Variants in NBPF8 observed in about 807,000 individuals in gnomAD.
The protein encoded by NBPF8 is NBPF family member NBPF8.
At chr1:120,415,386 G>A (rs1191837756), upstream of NBPF8, among the ~76,000 whole-genome samples, 2 of 151,970 alleles carry the variant, frequency 1.3e-5, no homozygotes, top group Non-Finnish European at 2.9e-5. Flanking sequence ...AGGGCGAGGC[G>A]GGGTGGGGGG....
At chr1:120,462,888 CCTGA>C (rs1661631826) in exon 21 of NBPF8, 1 of 432,510 alleles carries the variant, frequency 2.3e-6, no homozygotes, top group Non-Finnish European at 3.9e-6. Context: ...TCTTGAACTG[CCTGA>C]CTTAGGCCAG....
At chr1:120,420,669 C>T (rs1472159492) in intron 1 of NBPF8, among the ~76,000 whole-genome samples, 22 of 145,458 alleles carry the variant, frequency 1.5e-4, no homozygotes, top group African/African-American at 2.4e-4. Flanking sequence ...TTTTGAAGGC[C>T]GTTCCCATCT....
upstream of NBPF8, among the ~76,000 whole-genome samples, chr1:120,435,699 A>G (rs1187526047): frequency 2.6e-4 from 39 of 151,942 alleles, no homozygotes; most frequent in African/African-American, 9.4e-4. Flanking sequence ...AAAAAGAAAA[A>G]AAAAAAGAAA....
exon 11 of NBPF8, chr1:120,449,303 C>T (rs1556606351): frequency 1.9e-6 from 3 of 1,610,432 alleles, no homozygotes; most frequent in South Asian, 2.2e-5. Flanking sequence ...GAAATTGCAC[C>T]CCCAGCTGGC....
At chr1:120,446,403 A>G (rs1333890769) in intron 8 of NBPF8, among the ~76,000 whole-genome samples, 3 of 54,588 alleles carry the variant, frequency 5.5e-5, no homozygotes, top group African/African-American at 2.3e-4. Context: ...TGTTCTTAGT[A>G]AGTGTCGGTG....
In NBPF8 at chr1:120,462,350, T is replaced by C. The variant is rs1256944407; in HGVS notation, n.3061+153T>C. Among the ~76,000 whole-genome samples, 3 of 149,832 alleles carry C rather than the reference T, an allele frequency of 2.0e-5. No homozygotes were observed. In the South Asian group the frequency reaches 6.3e-4, roughly 32 times the overall value. On this transcript the variant is annotated intron_variant and non_coding_transcript_variant, in intron 20 of 24. Coordinates refer to ENST00000583271, the Ensembl canonical transcript of NBPF8. ...GTTGGTTTTCATTGCAGAAGATGTT[T>C]AGGTTTCCATTTCTTCCTCCCCTTA... is the stretch of plus-strand genomic sequence containing the variant.
Position 120,453,563 on chromosome 1 carries a change from G to T in NBPF8, n.2362+119G>T. 2 of 948,322 alleles carry T rather than the reference G, an allele frequency of 2.1e-6. 1 individual carries two copies. The highest frequency in any genetic ancestry group is 2.5e-5 in the South Asian group (2 of 78,590). The allele number at this position is 948,322 out of a possible 1,614,324, so 58.7% of individuals were successfully genotyped here. On this transcript the variant is annotated intron_variant and non_coding_transcript_variant, in intron 14 of 24. Coordinates refer to ENST00000583271, the Ensembl canonical transcript of NBPF8. ...ACCCGCATTTGCTTAGCCACAGTAT[G>T]TGAAATATAACCCAGCTTAGACACA...
intron 11 of NBPF8, 42 bp from the exon 10 acceptor site, chr1:120,451,138 G>A: frequency 2.1e-6 from 3 of 1,402,508 alleles, no homozygotes; most frequent in East Asian, 2.3e-5. Context: ...ACAGCAGCAT[G>A]TCCAGCCTTC....
At chr1:120,426,929 CTTAG>C (rs1372737557) in intron 2 of NBPF8, among the ~76,000 whole-genome samples, 2 of 141,642 alleles carry the variant, frequency 1.4e-5, no homozygotes, top group Admixed American at 7.0e-5. Flanking sequence ...GCAGGAGTTT[CTTAG>C]TTAGGATCCA....
At chr1:120,415,267 G>A (rs1299965564), upstream of NBPF8, among the ~76,000 whole-genome samples, 1 of 152,172 alleles carries the variant, frequency 6.6e-6, no homozygotes, top group African/African-American at 2.4e-5. Context: ...TCCACCCAGC[G>A]TTTCCGAGGT....
At chr1:120,450,672 C>T (rs1440889301) in intron 11 of NBPF8, among the ~76,000 whole-genome samples, 2 of 152,128 alleles carry the variant, frequency 1.3e-5, no homozygotes, top group Non-Finnish European at 2.9e-5. Flanking sequence ...CTTTATGCTT[C>T]AGATATGATT....
chr1:120,464,542 G>C lies in NBPF8; in HGVS notation n.3453G>C. ...AAAACATGTTGGCTTTTCTCTTGAC[G>C]TGGGAGGTGAGTACCTTTCTATGAA... On this transcript the variant is annotated non_coding_transcript_exon_variant, in exon 23 of 25. Transcript: ENST00000583271. The C allele has an allele frequency of 3.8e-6, 3 of 793,714 alleles. No homozygotes were observed. In the South Asian group the frequency reaches 4.0e-5, roughly 11 times the overall value. The allele number at this position is 793,714 out of a possible 1,614,324, so 49.2% of individuals were successfully genotyped here.
chr1:120,465,498 G>T, intron 24 of NBPF8, 127 bp downstream of exon 22: 1 of 492,414 alleles, frequency 2.0e-6, no homozygotes, highest in East Asian at 2.9e-5. Context: ...TGTCATTGCT[G>T]TTGGTTTTCA....
At chr1:120,450,501 A>G (rs1471442069) in intron 11 of NBPF8, among the ~76,000 whole-genome samples, 20 of 152,164 alleles carry the variant, frequency 1.3e-4, no homozygotes, top group Admixed American at 1.1e-3. Flanking sequence ...AAATTGCTGC[A>G]GTGAATTACA....
chr1:120,460,735 T>G (rs1305615195), intron 18 of NBPF8, 111 bp downstream of exon 16: 20 of 987,114 alleles, frequency 2.0e-5, no homozygotes, highest in Non-Finnish European at 2.8e-5. Context: ...CAGACAAGTC[T>G]GAATTACGCC....
intron 17 of NBPF8, among the ~76,000 whole-genome samples, chr1:120,460,119 T>A (rs1386785206): frequency 2.0e-5 from 3 of 152,198 alleles, no homozygotes; most frequent in African/African-American, 7.2e-5. Context: ...TAATAGCTGA[T>A]GCTTCTGTGT....
At chr1:120,455,144 G>GA (rs1386336863) in intron 15 of NBPF8, among the ~76,000 whole-genome samples, 1 of 151,220 alleles carries the variant, frequency 6.6e-6, no homozygotes, top group African/African-American at 2.4e-5. Context: ...TTTTTTTGGG[G>GA]AAAAAATTTT....
chr1:120,421,248 G>A (rs1311682942), intron 1 of NBPF8, among the ~76,000 whole-genome samples: 1 of 152,192 alleles, frequency 6.6e-6, no homozygotes, highest in African/African-American at 2.4e-5. Context: ...TTACAGTAGT[G>A]CGTCTGTCTC....
intron 1 of NBPF8, among the ~76,000 whole-genome samples, chr1:120,425,127 C>T (rs1388723876): frequency 1.7e-4 from 26 of 151,726 alleles, no homozygotes; most frequent in African/African-American, 4.4e-4. Context: ...AATACAGCCT[C>T]GTGGGAAGGG....
Sources: gnomAD v4.1 joint callset for allele counts (sites outside exome capture counted in the v4.1 genomes callset) on GRCh38, gnomAD v4.1.1 for gene constraint, MANE v1.5 for transcripts, NCBI Gene and HGNC (gene_info 2026-07-23, HGNC 2026-07-21) for gene names.